Variants in FAM186A observed in about 807,000 individuals in gnomAD.
FAM186A encodes the protein protein FAM186A.
In FAM186A, 163 loss-of-function variants were observed where a neutral mutation model predicts 216.8. That is an observed-to-expected ratio of 0.75 (90% CI 0.66 to 0.86). FAM186A has a LOEUF of 0.86. Ranked by LOEUF, FAM186A falls within the 40% of genes least tolerant of loss-of-function variation. FAM186A has a pLI of 0.00. For missense variants in FAM186A, 2,184 were observed against 2,746.2 expected (o/e 0.80, Z 4.58); for synonymous variants, 805 against 1,025.3 (o/e 0.79, Z 4.10).
Position 50,350,901 on chromosome 12 carries a change from C to A in FAM186A, c.5931G>T (p.Lys1977Asn). 1.3e-6 allele frequency: 2 copies of A among 1,551,572 alleles called. No individual in the cohort carries two copies. The highest frequency in any genetic ancestry group is 1.7e-6 in the Non-Finnish European group (2 of 1,146,950). ...TAGTGGTGAAAGGAACTTGAGCTAC[C>A]TTGAAATCTGGAGCACTAGGATGGA... ...VLIHPSAPDF[K>N]VAQVPFTTKK... The change falls in exon 4 of 8, where the codon AAG becomes AAT. Residue 1977 changes from lysine to asparagine, a missense_variant. By Grantham distance (94) the Lys-to-Asn change is moderately conservative. Coordinates refer to ENST00000327337, the MANE Select transcript of FAM186A (RefSeq NM_001145475.3).
intron 1 of FAM186A, among the ~76,000 whole-genome samples, chr12:50,364,787 C>T (rs1943071752): frequency 6.6e-6 from 1 of 151,368 alleles, no homozygotes; most frequent in Admixed American, 6.6e-5. Flanking sequence ...CCTGTAATCC[C>T]AGCACTCTGG....
intron 1 of FAM186A, among the ~76,000 whole-genome samples, chr12:50,393,616 G>A (rs910470987): frequency 7.9e-5 from 12 of 151,848 alleles, no homozygotes; most frequent in African/African-American, 2.2e-4. Flanking sequence ...GGAGGCTGAG[G>A]CAGGCAGATT....
At position 50,373,017 on chromosome 12, in the gene FAM186A, AAGAAAGAAAGAAAG is replaced by A. The variant is rs1261284546; in HGVS notation, c.193-9667_193-9654del. 2.2e-5 allele frequency among the ~76,000 whole-genome samples: 3 copies of A among 139,190 alleles called. No individual in the cohort carries two copies. In the East Asian group the frequency reaches 6.6e-4, roughly 30 times the overall value. 91.3% of individuals were successfully genotyped at this position (139,190 alleles called of 152,430 possible). A position where few individuals can be genotyped will look rare whatever the true frequency, so the allele number is the denominator to read the frequency against. ...AAGGAATGAAAGAAAGAAAGAAAGA[AAGAAAGAAAGAAAG>A]AAAGAAAGAAAGAAAGAAAGAAAGA... On this transcript the variant is annotated intron_variant, in intron 1 of 7. Coordinates refer to ENST00000327337, the MANE Select transcript of FAM186A (RefSeq NM_001145475.3).
intron 1 of FAM186A, among the ~76,000 whole-genome samples, chr12:50,381,142 T>C (rs1357791999): frequency 2.0e-5 from 3 of 152,194 alleles, no homozygotes; most frequent in Admixed American, 1.3e-4. Context: ...AGGGAGTTTC[T>C]AGGTCTGGGC....
Position 50,351,739 on chromosome 12 carries a change from G to A in FAM186A, c.5093C>T (p.Thr1698Ile), listed in dbSNP as rs748657410. The change falls in exon 4 of 8, where the codon ACC becomes ATC. Residue 1698 changes from threonine (T) to isoleucine (I), a missense_variant. Coordinates refer to ENST00000327337, the MANE Select transcript of FAM186A (RefSeq NM_001145475.3). ...GVPLTLDKAHTLGSPLTLKQV... is the reference protein window; with the variant it reads ...GVPLTLDKAHILGSPLTLKQV... ...CTTAAGGGTGAGGGGCGATCCCAAGGTATGGGCTTTATCTAAGGTGAGAGG... is the reference window on the plus strand; with the variant it reads ...CTTAAGGGTGAGGGGCGATCCCAAGATATGGGCTTTATCTAAGGTGAGAGG... The A allele has an allele frequency of 5.7e-5, 88 of 1,551,336 alleles. No homozygotes were observed. The highest frequency in any genetic ancestry group is 3.3e-4 in the Admixed American group (17 of 50,958).
intron 4 of FAM186A, 82 bp downstream of exon 4, chr12:50,350,247 T>C (rs1942860504): frequency 1.6e-6 from 2 of 1,260,860 alleles, no homozygotes; most frequent in East Asian, 2.5e-5. Flanking sequence ...CTGACAAATA[T>C]GAATATACTT....
intron 4 of FAM186A, among the ~76,000 whole-genome samples, chr12:50,346,357 G>A (rs1474113506): frequency 1.3e-5 from 2 of 151,980 alleles, no homozygotes; most frequent in East Asian, 1.9e-4. Flanking sequence ...TCAGCCACCC[G>A]AGTATCTGGG....
chr12:50,337,320 G>C (rs1221027411), intron 4 of FAM186A, among the ~76,000 whole-genome samples: 3 of 137,548 alleles, frequency 2.2e-5, no homozygotes, highest in East Asian at 4.2e-4. Flanking sequence ...TTTTAGACAG[G>C]GTCTCTCTTT....
Position 50,353,610 on chromosome 12 carries a change from A to G in FAM186A, c.3222T>C (p.His1074=). The G allele has an allele frequency of 1.3e-6, 2 of 1,530,378 alleles. No homozygotes were observed. The highest frequency in any genetic ancestry group is 1.3e-5 in the South Asian group (1 of 79,342). The allele number at this position is 1,530,378 out of a possible 1,614,324, so 94.8% of individuals were successfully genotyped here. ...ISGQPLTKCI[H]LTPQQAQEVG... ...CTTCCTGGGCCTGCTGAGGTGTGAG[A>G]TGAATGCATTTAGTGAGAGGCTGGC... Residue 1074 remains histidine, a synonymous_variant, in exon 4 of 8, where the codon CAT becomes CAC. Transcript: ENST00000327337.
At chr12:50,349,174 C>A (rs553990569) in intron 4 of FAM186A, among the ~76,000 whole-genome samples, 2 of 151,646 alleles carry the variant, frequency 1.3e-5, no homozygotes, top group East Asian at 1.9e-4. Flanking sequence ...ACTTTCCCCC[C>A]ACCCCCACTA....
At chr12:50,377,155 A>G (rs1390065774) in intron 1 of FAM186A, among the ~76,000 whole-genome samples, 2 of 152,182 alleles carry the variant, frequency 1.3e-5, no homozygotes, top group East Asian at 3.9e-4. Flanking sequence ...AAAAGGGGGA[A>G]AAAAGAACTA....
At chr12:50,391,797 T>C (rs556129046) in intron 1 of FAM186A, among the ~76,000 whole-genome samples, 4 of 152,274 alleles carry the variant, frequency 2.6e-5, no homozygotes, top group Non-Finnish European at 5.9e-5. Flanking sequence ...AAAATGAACA[T>C]TTACTACCTT....
intron 1 of FAM186A, among the ~76,000 whole-genome samples, chr12:50,395,055 AC>A (rs1027976166): frequency 1.3e-5 from 2 of 151,078 alleles, no homozygotes; most frequent in African/African-American, 2.4e-5. Context: ...ATAGGAAAGA[AC>A]CCCCCCTTAA....
intron 6 of FAM186A, 110 bp from the exon 7 acceptor site, chr12:50,330,868 C>G: frequency 2.2e-6 from 2 of 907,540 alleles, no homozygotes; most frequent in Non-Finnish European, 3.1e-6. Context: ...TAATGCCTTC[C>G]CCTTGCACTG....
chr12:50,363,770 AAAGAAAG>A (rs1317523898), intron 1 of FAM186A, among the ~76,000 whole-genome samples: 4 of 58,558 alleles, frequency 6.8e-5, no homozygotes, highest in South Asian at 7.5e-4. Context: ...TAAAAAAAAA[AAAGAAAG>A]AAAGAAAGAA....
intron 1 of FAM186A, among the ~76,000 whole-genome samples, chr12:50,375,400 T>A (rs1296617049): frequency 1.3e-5 from 2 of 151,524 alleles, no homozygotes; most frequent in African/African-American, 2.4e-5. Context: ...ATACAAAAAA[T>A]TAGCCAGACA....
chr12:50,356,099 T>C lies in FAM186A; in HGVS notation c.733A>G (p.Ile245Val), dbSNP rs1942974166. The stretch of plus-strand genomic sequence containing the variant: ...AATGTACTGAACATTGTGGTGCCTA[T>C]GAGTTCCTGTAGCATACCTTGGATT... ...SEIQGMLQEL[I>V]GTTMFSTLEN... The change falls in exon 4 of 8, where the codon ATA becomes GTA. Residue 245 changes from isoleucine to valine, a missense_variant. Around this residue, in one of 7 missense-constraint regions of FAM186A, gnomAD observed 1,132 missense variants for 1,263.4 expected, o/e 0.90. Transcript: ENST00000327337. The C allele has an allele frequency of 6.4e-7, 1 of 1,551,550 alleles. No individual in the cohort carries two copies. Among genetic ancestry groups the C allele is most frequent in the African/African-American group, 1.4e-5 (1 of 73,066 alleles).
intron 1 of FAM186A, among the ~76,000 whole-genome samples, chr12:50,372,261 T>C (rs1422161057): frequency 6.6e-6 from 1 of 151,894 alleles, no homozygotes; most frequent in Non-Finnish European, 1.5e-5. Flanking sequence ...AGCCAAGTGA[T>C]AAAGAATAAC....
chr12:50,371,462 C>G (rs1440944762), intron 1 of FAM186A, among the ~76,000 whole-genome samples: 3 of 152,060 alleles, frequency 2.0e-5, no homozygotes, highest in African/African-American at 7.2e-5. Flanking sequence ...GTTATTCAGC[C>G]TTAAAATTGA....
Sources: gnomAD v4.1 joint callset for allele counts (sites outside exome capture counted in the v4.1 genomes callset) on GRCh38, gnomAD v4.1.1 for gene constraint, gnomAD v4.1.1 regional missense constraint, MANE v1.5 for transcripts, NCBI Gene and HGNC (gene_info 2026-07-23, HGNC 2026-07-21) for gene names.